ZNF707: variants seen among roughly 807,000 people sequenced by gnomAD.
ZNF707 encodes zinc finger protein 707.
Under a neutral mutation model 13.3 loss-of-function variants are expected in ZNF707, and 8 were observed. That is an observed-to-expected ratio of 0.60 (90% confidence interval 0.35 to 1.09). The LOEUF is 1.09. ZNF707 is among the 50% of genes least tolerant of loss of function. The pLI, the probability that ZNF707 is intolerant of heterozygous loss-of-function variation, is 0.02. For missense variants in ZNF707, 530 were observed against 512.6 expected (o/e 1.03, Z -0.33); for synonymous variants, 225 against 205.6 (o/e 1.09, Z -0.81).
chr8:143,690,434 G>A (rs543719386), intron 3 of ZNF707: 3 of 353,656 alleles, frequency 8.5e-6, no homozygotes, highest in South Asian at 1.1e-4. Context: ...AGCTGGGCAC[G>A]CACCTGTAGG....
intron 1 of ZNF707, 171 bp downstream of exon 1, chr8:143,684,713 C>T (rs999706112): frequency 6.6e-6 from 1 of 152,398 alleles, no homozygotes; most frequent in African/African-American, 2.4e-5. Flanking sequence ...TCAGCTTCTT[C>T]CGGCTCGGCC....
In ZNF707 at chr8:143,693,897, G is replaced by C; in HGVS notation, c.483G>C (p.Pro161=). The change falls in exon 6 of 6, where the codon CCG becomes CCC. Residue 161 remains proline, a synonymous_variant. Transcript: ENST00000358656. This position sits in a 1 kb window ranked among gnomAD's most constrained non-coding sequence, Gnocchi z 4.1. The part of the protein sequence containing the change: ...QVLTQRCGRR[P]GRRERRKQRA... ...TCACGCAGCGTTGTGGGCGGCGGCC[G>C]GGCCGCAGAGAGCGCCGGAAGCAGC... 1.9e-6 allele frequency: 3 copies of C among 1,605,432 alleles called. No individual in the cohort carries two copies. Among genetic ancestry groups the C allele is most frequent in the Non-Finnish European group, 2.6e-6 (3 of 1,175,042 alleles).
chr8:143,693,942 C>G lies in ZNF707; in HGVS notation c.528C>G (p.Phe176Leu). 2.5e-6 allele frequency: 4 copies of G among 1,603,062 alleles called. No homozygotes were observed. The highest frequency in any genetic ancestry group is 3.4e-6 in the Non-Finnish European group (4 of 1,175,688). The change falls in exon 6 of 6, where the codon TTC becomes TTG. Residue 176 changes from phenylalanine (F) to leucine (L), a missense_variant. Coordinates refer to ENST00000358656, the MANE Select transcript of ZNF707 (RefSeq NM_001100598.2). The surrounding 1 kb of genome is among the most constrained non-coding windows in gnomAD (Gnocchi z 4.1). ...RRKQRAVELS[F>L]ICGTCGKALS... ...AGCAGCGCGCAGTAGAGCTGTCATT[C>G]ATCTGCGGCACGTGCGGGAAGGCGC...
intron 5 of ZNF707, chr8:143,692,075 G>C (rs761776407): frequency 8.9e-6 from 12 of 1,353,486 alleles, no homozygotes; most frequent in African/African-American, 1.5e-5. Flanking sequence ...TGGGGTCCCA[G>C]GCCTGGTACT....
At chr8:143,689,641 G>T (rs1554612977) in intron 2 of ZNF707, among the ~76,000 whole-genome samples, 1 of 152,212 alleles carries the variant, frequency 6.6e-6, no homozygotes, top group Admixed American at 6.5e-5. Flanking sequence ...CATCCTCCTG[G>T]CACAGTGCTG....
chr8:143,691,495 G>C, intron 4 of ZNF707, 105 bp from the exon 5 acceptor site: 2 of 1,303,998 alleles, frequency 1.5e-6, no homozygotes, highest in Non-Finnish European at 2.1e-6. Context: ...AGGGCCTCCC[G>C]AGGGCTGGCC....
In ZNF707 at chr8:143,693,797, C is replaced by T. The variant is rs782004942; in HGVS notation, c.383C>T (p.Thr128Met). The part of the protein sequence containing the change: ...SSFRKGFRLD[T>M]DDGQLPRAAP... ...TTTAGGAAGGGCTTCAGGCTGGACA[C>T]GGATGACGGGCAGCTTCCCAGAGCT... Residue 128 changes from threonine to methionine, a missense_variant, in exon 6 of 6, where the codon ACG becomes ATG. By Grantham distance (81) the Thr-to-Met change is moderately conservative. Coordinates refer to ENST00000358656, the MANE Select transcript of ZNF707 (RefSeq NM_001100598.2). This position sits in a 1 kb window ranked among gnomAD's most constrained non-coding sequence, Gnocchi z 4.1. 17 of 1,612,814 alleles carry T rather than the reference C, an allele frequency of 1.1e-5. No homozygotes were observed. The Admixed American group carries it at 1.3e-4, about 13-fold the overall frequency.
intron 1 of ZNF707, chr8:143,686,874 T>TA (rs35148416): frequency 2.3e-5 from 1 of 44,056 alleles, no homozygotes; most frequent in Non-Finnish European, 1.4e-4. Context: ...CAATTTGTGA[T>TA]TTTTTTTTTT....
chr8:143,687,732 A>T (rs1468820454), intron 1 of ZNF707, among the ~76,000 whole-genome samples: 2 of 152,176 alleles, frequency 1.3e-5, no homozygotes, highest in African/African-American at 4.8e-5. Context: ...AGCAGTGGGC[A>T]GACAGCCCTG....
rs10093252 is a variant in ZNF707 at position 143,693,320 on chromosome 8, G to A, written c.257-351G>A. ...TTTTGAGACGGAGTCTCGCTCTGTC[G>A]CCCAGGCTGGACTGCGGACTGCAGT... On this transcript the variant is annotated intron_variant, in intron 5 of 5. Transcript: ENST00000358656. The surrounding 1 kb of genome is among the most constrained non-coding windows in gnomAD (Gnocchi z 4.1). Among the ~76,000 whole-genome samples the A allele has an allele frequency of 0.67, 100,941 of 149,544 alleles. 36,894 individuals are homozygous for A. The highest frequency in any genetic ancestry group is 0.84 in the Non-Finnish European group (56,613 of 67,422).
At chr8:143,684,908 A>T (rs1816117680) in intron 1 of ZNF707, 1 of 152,070 alleles carries the variant, frequency 6.6e-6, no homozygotes, top group African/African-American at 2.4e-5. Flanking sequence ...CTTAGACTTG[A>T]TTCATAACAC....
At position 143,691,632 on chromosome 8, in the gene ZNF707, C is replaced by T. The variant is rs782632209; in HGVS notation, c.175C>T (p.Arg59Cys). 46 of 1,609,446 alleles carry T rather than the reference C, an allele frequency of 2.9e-5. No individual in the cohort carries two copies. The highest frequency in any genetic ancestry group is 1.6e-4 in the Middle Eastern group (1 of 6,080). Residue 59 changes from arginine to cysteine, a missense_variant, in exon 5 of 6, where the codon CGC becomes TGC. By Grantham distance (180) the Arg-to-Cys change is radical. Coordinates refer to ENST00000358656, the MANE Select transcript of ZNF707 (RefSeq NM_001100598.2). Reference sequence around the variant, plus strand: ...CAGCCCCAGACCAGACCTCGTCTCTCGCCTGGAACAGTGGGAGGAGCCGTG... The same window carrying T: ...CAGCCCCAGACCAGACCTCGTCTCTTGCCTGGAACAGTGGGAGGAGCCGTG... Reference protein sequence around the residue: ...FCSPRPDLVSRLEQWEEPWVE... With the variant: ...FCSPRPDLVSCLEQWEEPWVE...
Position 143,694,560 on chromosome 8 carries a change from C to G in ZNF707, c.*30C>G. ...GCCCGAAGAGTGGGGTGCTGCGCCT[C>G]TGCGGGAGTACTGGGTCCTGAGGGA... On this transcript the variant is annotated 3_prime_UTR_variant, in exon 6 of 6. Coordinates refer to ENST00000358656, the MANE Select transcript of ZNF707 (RefSeq NM_001100598.2). The surrounding 1 kb of genome is among the most constrained non-coding windows in gnomAD (Gnocchi z 4.4). The G allele has an allele frequency of 6.4e-7, 1 of 1,554,370 alleles. No homozygotes were observed. Among genetic ancestry groups the G allele is most frequent in the South Asian group, 1.2e-5 (1 of 83,694 alleles).
At chr8:143,690,195 G>A (rs150679023) in intron 3 of ZNF707, 72 bp downstream of exon 3, 26 of 1,578,166 alleles carry the variant, frequency 1.6e-5, no homozygotes, top group South Asian at 5.6e-5. Context: ...GCACACACGC[G>A]GGGAGGGTCT....
At chr8:143,689,927 C>T (rs1816643486) in intron 2 of ZNF707, 130 bp from the exon 3 acceptor site, 2 of 707,098 alleles carry the variant, frequency 2.8e-6, no homozygotes. Context: ...AGTTACAGAG[C>T]AGACCCTGTG....
rs1243373224 is a variant in ZNF707, at chr8:143,694,830, C to T, written c.*300C>T. 1.8e-5 allele frequency: 6 copies of T among 324,752 alleles called. No homozygotes were observed. Among genetic ancestry groups the T allele is most frequent in the Non-Finnish European group, 3.4e-5 (6 of 178,770 alleles). 20.1% of individuals were successfully genotyped at this position (324,752 alleles called of 1,614,324 possible). The stretch of plus-strand genomic sequence containing the variant: ...GCGACCCCGGAGCCACGTGCCAGGC[C>T]GGGCTCAGAGGCGGAGAAGCCTGCC... On this transcript the variant is annotated 3_prime_UTR_variant, in exon 6 of 6. Coordinates refer to ENST00000358656, the MANE Select transcript of ZNF707 (RefSeq NM_001100598.2). The surrounding 1 kb of genome is among the most constrained non-coding windows in gnomAD (Gnocchi z 4.4).
rs367965538 is a variant in ZNF707, at chr8:143,691,917, C to T, written c.256+204C>T. The T allele has an allele frequency of 3.7e-4, 430 of 1,148,734 alleles. 3 individuals are homozygous for T. Among genetic ancestry groups the T allele is most frequent in the Middle Eastern group, 3.3e-3 (16 of 4,876 alleles). The allele number at this position is 1,148,734 out of a possible 1,614,324, so 71.2% of individuals were successfully genotyped here. A position where few individuals can be genotyped will look rare whatever the true frequency, so the allele number is the denominator to read the frequency against. ...ATGGACACTGGCCGGGGGTGGGGCT[C>T]GAAAGGCATAGTGCTGCAGGATGAC... On this transcript the variant is annotated intron_variant, in intron 5 of 5. Coordinates refer to ENST00000358656, the MANE Select transcript of ZNF707 (RefSeq NM_001100598.2).
At chr8:143,689,477 A>G (rs1341477270) in intron 2 of ZNF707, among the ~76,000 whole-genome samples, 176 bp downstream of exon 2, 1 of 152,082 alleles carries the variant, frequency 6.6e-6, no homozygotes, top group Non-Finnish European at 1.5e-5. Context: ...CTGGGGGTAG[A>G]AGCTGGATCT....
chr8:143,694,156 G>A lies in ZNF707; in HGVS notation c.742G>A (p.Ala248Thr). 1.3e-6 allele frequency: 2 copies of A among 1,584,512 alleles called. No homozygotes were observed. Among genetic ancestry groups the A allele is most frequent in the East Asian group, 2.3e-5 (1 of 44,074 alleles). Residue 248 changes from alanine (A) to threonine (T), a missense_variant, in exon 6 of 6, where the codon GCT (alanine) becomes ACT (threonine). Physicochemically the swap from Ala to Thr is moderately conservative, Grantham distance 58. Coordinates refer to ENST00000358656, the MANE Select transcript of ZNF707 (RefSeq NM_001100598.2). This position sits in a 1 kb window ranked among gnomAD's most constrained non-coding sequence, Gnocchi z 4.4. ...GQAFSLKDRLAQHRKVHTEHR... is the reference protein window; with the variant it reads ...GQAFSLKDRLTQHRKVHTEHR... Reference sequence around the variant, plus strand: ...GGCGTTCAGCCTGAAGGACCGCCTGGCTCAGCACCGCAAGGTCCACACCGA... The same window carrying A: ...GGCGTTCAGCCTGAAGGACCGCCTGACTCAGCACCGCAAGGTCCACACCGA...
Sources: allele counts gnomAD v4.1 joint callset (sites outside exome capture counted in the v4.1 genomes callset), GRCh38; gene constraint gnomAD v4.1.1; non-coding constraint Gnocchi (gnomAD v3.1); transcripts MANE v1.5; gene names NCBI Gene and HGNC (gene_info 2026-07-23, HGNC 2026-07-21).